The following ZCCHC24 variants were observed in gnomAD, a reference collection of about 807,000 sequenced individuals.
ZCCHC24 encodes the protein zinc finger CCHC-type containing 24, also known as zinc finger CCHC domain-containing protein 24.
In ZCCHC24, 10 loss-of-function variants were observed where a neutral mutation model predicts 26.2. That is an observed-to-expected ratio of 0.38 (90% CI 0.24 to 0.65). ZCCHC24 has a LOEUF of 0.65. Among genes scored for constraint, ZCCHC24 ranks in the 30% least tolerant of loss-of-function variants. The pLI is 0.54. For synonymous variants in ZCCHC24, 144 were observed against 147.1 expected, an observed-to-expected ratio of 0.98 and a Z score of 0.15; for missense variants, 243 against 329.1, an observed-to-expected ratio of 0.74 and a Z score of 2.03.
chr10:79,402,198 CAG>C (rs1474594146), intron 2 of ZCCHC24, among the ~76,000 whole-genome samples: 4 of 152,246 alleles, frequency 2.6e-5, no homozygotes, highest in African/African-American at 4.8e-5. Context: ...GCGGAGTAAA[CAG>C]GGGATAGAGG....
intron 3 of ZCCHC24, among the ~76,000 whole-genome samples, chr10:79,389,393 G>T (rs1289661167): frequency 6.6e-6 from 1 of 152,198 alleles, no homozygotes; most frequent in African/African-American, 2.4e-5. Flanking sequence ...ACCAAAGTCA[G>T]ATAGACAGAG....
rs182776892 is a variant in ZCCHC24 at position 79,409,855 on chromosome 10, G to A, written c.448-15415C>T. ...CCTGTCCCCACTGCGAGTGTTTGGA[G>A]GAGCAGGGGGAGGACGGGGGCTCTC... On this transcript the variant is annotated intron_variant, in intron 2 of 3. Coordinates refer to ENST00000372336, the MANE Select transcript of ZCCHC24 (RefSeq NM_153367.4). 1.3e-3 allele frequency among the ~76,000 whole-genome samples: 202 copies of A among 152,350 alleles called. 1 individual carries two copies. The highest frequency in any genetic ancestry group is 2.3e-3 in the Non-Finnish European group (156 of 68,030).
chr10:79,432,904 T>C, intron 1 of ZCCHC24, 146 bp from the exon 2 acceptor site: 1 of 872,050 alleles, frequency 1.1e-6, no homozygotes, highest in Non-Finnish European at 1.7e-6. Context: ...AAATCCTAAC[T>C]AGTGTGTCTC....
At chr10:79,417,766 G>A (rs569790044) in intron 2 of ZCCHC24, among the ~76,000 whole-genome samples, 36 of 152,322 alleles carry the variant, frequency 2.4e-4, no homozygotes, top group African/African-American at 7.2e-4. Flanking sequence ...TGATGTCCTC[G>A]GGCTCCTCAC....
rs531785049 is a variant in ZCCHC24 at position 79,420,911 on chromosome 10, G to A, written c.447+11647C>T. Among the ~76,000 whole-genome samples the A allele has an allele frequency of 7.4e-4, 112 of 152,346 alleles. 2 individuals carry two copies. The Middle Eastern group carries it at 0.02, about 28-fold the overall frequency. The stretch of plus-strand genomic sequence containing the variant: ...GGTTAAGCTCACAACATCCCATGAA[G>A]TAGGATGTTTTAATATCTTCATTTT... On this transcript the variant is annotated intron_variant, in intron 2 of 3. Transcript: ENST00000372336.
chr10:79,397,493 C>T (rs1856561868), intron 2 of ZCCHC24, among the ~76,000 whole-genome samples: 1 of 152,310 alleles, frequency 6.6e-6, no homozygotes, highest in South Asian at 2.1e-4. Flanking sequence ...GGGTCTGGAA[C>T]CTGTGACTTC....
chr10:79,436,200 C>G (rs1490323260), intron 1 of ZCCHC24, among the ~76,000 whole-genome samples: 1 of 152,204 alleles, frequency 6.6e-6, no homozygotes, highest in African/African-American at 2.4e-5. Flanking sequence ...TCACCATGCC[C>G]ACCGCGCAGC....
At chr10:79,440,595 C>T (rs1454830464) in intron 1 of ZCCHC24, among the ~76,000 whole-genome samples, 1 of 152,174 alleles carries the variant, frequency 6.6e-6, no homozygotes, top group African/African-American at 2.4e-5. Context: ...AGCTGGAACA[C>T]AGAAGAATTC....
intron 2 of ZCCHC24, among the ~76,000 whole-genome samples, chr10:79,405,038 G>A (rs1216557050): frequency 6.6e-6 from 1 of 152,210 alleles, no homozygotes; most frequent in Non-Finnish European, 1.5e-5. Flanking sequence ...CCACTGCTGA[G>A]TCCCAGGCTG....
chr10:79,440,251 C>A (rs1387704785), intron 1 of ZCCHC24, among the ~76,000 whole-genome samples: 1 of 152,204 alleles, frequency 6.6e-6, no homozygotes, highest in African/African-American at 2.4e-5. Context: ...ATGCTGCACA[C>A]AGACTAGGAT....
At chr10:79,435,528 G>C (rs1259089418) in intron 1 of ZCCHC24, among the ~76,000 whole-genome samples, 1 of 152,208 alleles carries the variant, frequency 6.6e-6, no homozygotes, top group Non-Finnish European at 1.5e-5. Context: ...TGAGGCCAGA[G>C]CTTCCCCTCC....
At chr10:79,388,008 G>T (rs1470514779) in intron 3 of ZCCHC24, among the ~76,000 whole-genome samples, 1 of 152,128 alleles carries the variant, frequency 6.6e-6, no homozygotes, top group African/African-American at 2.4e-5. Context: ...TCCCTGTCCA[G>T]CTTTCATCCT....
chr10:79,442,497 C>T (rs189346125), intron 1 of ZCCHC24, among the ~76,000 whole-genome samples: 298 of 152,324 alleles, frequency 2.0e-3, no homozygotes, highest in African/African-American at 6.7e-3. Context: ...TGGTGTTTTG[C>T]TATTGTGGTG....
rs1046451330 is a variant in ZCCHC24 at position 79,432,459 on chromosome 10, G to C, written c.447+99C>G. On this transcript the variant is annotated intron_variant, in intron 2 of 3. Transcript: ENST00000372336. ...CCACGGGGCCACTCATTGGTGGAAG[G>C]GGCCCTGGGGACACTGCTTCGCCTG... 2.2e-5 allele frequency: 27 copies of C among 1,253,106 alleles called. No homozygotes were observed. In the African/African-American group the frequency reaches 4.0e-4, roughly 19 times the overall value. The allele number at this position is 1,253,106 out of a possible 1,614,324, so 77.6% of individuals were successfully genotyped here. A position where few individuals can be genotyped will look rare whatever the true frequency, so the allele number is the denominator to read the frequency against.
intron 1 of ZCCHC24, among the ~76,000 whole-genome samples, chr10:79,444,424 A>G (rs1224967782): frequency 6.6e-6 from 1 of 152,122 alleles, no homozygotes; most frequent in Admixed American, 6.5e-5. Context: ...ACTTTGCAAC[A>G]CAGCCGGCCC....
At chr10:79,429,743 C>T (rs1170135937) in intron 2 of ZCCHC24, among the ~76,000 whole-genome samples, 1 of 152,196 alleles carries the variant, frequency 6.6e-6, no homozygotes, top group Non-Finnish European at 1.5e-5. Flanking sequence ...TGAATTGTAT[C>T]TCATAAAGCT....
rs186395719 is a variant in ZCCHC24 at position 79,435,229 on chromosome 10, T to G, written c.247-2471A>C. The stretch of plus-strand genomic sequence containing the variant: ...CTTTCTTTTTTTTTTATTTTTATTT[T>G]TTTTCCCCTGGATAAGATTTAAGCA... On this transcript the variant is annotated intron_variant, in intron 1 of 3. Transcript: ENST00000372336. 2.1e-4 allele frequency among the ~76,000 whole-genome samples: 32 copies of G among 152,262 alleles called. No individual in the cohort carries two copies. In the Middle Eastern group the frequency reaches 0.014, roughly 65 times the overall value.
intron 1 of ZCCHC24, among the ~76,000 whole-genome samples, chr10:79,437,598 G>A (rs1200121582): frequency 6.6e-6 from 1 of 152,198 alleles, no homozygotes; most frequent in Non-Finnish European, 1.5e-5. Flanking sequence ...AGGAAGGGGA[G>A]TCAGAGGAAA....
At position 79,444,479 on chromosome 10, in the gene ZCCHC24, C is replaced by G. The variant is rs553181466; in HGVS notation, c.246+716G>C. 7.9e-4 allele frequency among the ~76,000 whole-genome samples: 120 copies of G among 152,092 alleles called. 2 individuals are homozygous for G. The South Asian group carries it at 0.015, about 19-fold the overall frequency. Reference sequence around the variant, plus strand: ...TGGGCAGCTGGAACCTCTCCCCCCCCCTTTCTAGCCCCCCTCCCAAGAGCT... The same window carrying G: ...TGGGCAGCTGGAACCTCTCCCCCCCGCTTTCTAGCCCCCCTCCCAAGAGCT... On this transcript the variant is annotated intron_variant, in intron 1 of 3. Transcript: ENST00000372336.
Sources: gnomAD v4.1 joint callset for allele counts (sites outside exome capture counted in the v4.1 genomes callset) on GRCh38, gnomAD v4.1.1 for gene constraint, MANE v1.5 for transcripts, NCBI Gene and HGNC (gene_info 2026-07-23, HGNC 2026-07-21) for gene names.